Variants in PRLR observed in about 807,000 individuals in gnomAD.
The protein encoded by PRLR is prolactin receptor, also known as hPRL receptor.
Under a neutral mutation model 40.2 loss-of-function variants are expected in PRLR, and 13 were observed. The observed-to-expected ratio is 0.32, with a 90% CI of 0.21 to 0.51. PRLR has a LOEUF of 0.51. PRLR is among the 20% of genes least tolerant of loss of function. PRLR has a pLI of 0.97. For missense variants in PRLR, 656 were observed against 747.3 expected, an observed-to-expected ratio of 0.88 and a Z score of 1.42; for synonymous variants, 269 against 278.7, an observed-to-expected ratio of 0.97 and a Z score of 0.35.
At chr5:35,135,974 C>T (rs1773847067) in intron 1 of PRLR, among the ~76,000 whole-genome samples, 1 of 152,162 alleles carries the variant, frequency 6.6e-6, no homozygotes, top group Non-Finnish European at 1.5e-5. Flanking sequence ...GGAATTCGAA[C>T]TGGGAAATAT....
chr5:35,220,301 T>G (rs34455136), intron 1 of PRLR, among the ~76,000 whole-genome samples: 16,695 of 152,114 alleles, frequency 0.11, 998 homozygotes, highest in East Asian at 0.16. Flanking sequence ...GCCACAATGG[T>G]CTCATTTCTG....
chr5:35,181,752 T>A (rs1408296441), intron 1 of PRLR, among the ~76,000 whole-genome samples: 1 of 152,208 alleles, frequency 6.6e-6, no homozygotes, highest in Non-Finnish European at 1.5e-5. Context: ...GAGAAATACC[T>A]GTGCCAATAA....
chr5:35,152,297 A>G (rs76810498), intron 1 of PRLR, among the ~76,000 whole-genome samples: 4,942 of 152,270 alleles, frequency 0.032, 297 homozygotes, highest in African/African-American at 0.11. Flanking sequence ...TAAATGGTAT[A>G]TTAAAAGATA....
At position 35,065,473 on chromosome 5, in the gene PRLR, G is replaced by C. The variant is rs564926987; in HGVS notation, c.1485C>G (p.Pro495=). Residue 495 remains proline (P), a synonymous_variant, in exon 10 of 10, where the codon CCC becomes CCG. Transcript: ENST00000618457. ...CGGAGCCAAAGGGGGTTTTCTCCTG[G>C]GGCAGCAGCCAGGGCGTATCCTGGT... ...ETDQDTPWLL[P]QEKTPFGSAK... is the part of the protein sequence containing the mutation. 5 of 1,614,014 alleles carry C rather than the reference G, an allele frequency of 3.1e-6. No individual in the cohort carries two copies. The highest frequency in any genetic ancestry group is 3.4e-6 in the Non-Finnish European group (4 of 1,180,034).
intron 1 of PRLR, among the ~76,000 whole-genome samples, chr5:35,205,875 T>A (rs1776003950): frequency 6.6e-6 from 1 of 152,186 alleles, no homozygotes; most frequent in Admixed American, 6.5e-5. Context: ...CAGTACATAT[T>A]GAACAGGTTT....
chr5:35,175,022 C>T (rs1775104992), intron 1 of PRLR, among the ~76,000 whole-genome samples: 1 of 152,094 alleles, frequency 6.6e-6, no homozygotes, highest in African/African-American at 2.4e-5. Flanking sequence ...AATGAAATTC[C>T]CATACTTTTA....
rs954899107 is a variant in PRLR, at chr5:35,143,789, A to C, written c.-105-25667T>G. Among the ~76,000 whole-genome samples, 3 of 152,352 alleles carry C rather than the reference A, an allele frequency of 2.0e-5. 1 individual carries two copies. The highest frequency in any genetic ancestry group is 2.0e-4 in the Admixed American group (3 of 15,300). On this transcript the variant is annotated intron_variant, in intron 1 of 9. Transcript: ENST00000618457. ...CTCAGTAAAACATGTTTATGTATTCACGCATTTCTAAGAAAATGGAGCTAT... is the reference window on the plus strand; with the variant it reads ...CTCAGTAAAACATGTTTATGTATTCCCGCATTTCTAAGAAAATGGAGCTAT...
chr5:35,107,092 A>G (rs560628876), intron 2 of PRLR, among the ~76,000 whole-genome samples: 1 of 152,338 alleles, frequency 6.6e-6, no homozygotes, highest in Non-Finnish European at 1.5e-5. Flanking sequence ...CCACACAACT[A>G]CATGGAAACT....
intron 2 of PRLR, among the ~76,000 whole-genome samples, chr5:35,097,871 T>C (rs565390459): frequency 6.6e-6 from 1 of 152,190 alleles, no homozygotes; most frequent in Middle Eastern, 3.4e-3. Flanking sequence ...ACTTAGATGA[T>C]TCTTATCACG....
At chr5:35,089,704 T>C (rs959688701) in intron 2 of PRLR, 41 bp from the exon 3 acceptor site, 1 of 1,321,378 alleles carries the variant, frequency 7.6e-7, no homozygotes, top group African/African-American at 1.4e-5. Flanking sequence ...GAAATGGCAG[T>C]CTGGTCAGGC....
At chr5:35,168,264 GT>G (rs1490142491) in intron 1 of PRLR, among the ~76,000 whole-genome samples, 1 of 151,988 alleles carries the variant, frequency 6.6e-6, no homozygotes, top group Non-Finnish European at 1.5e-5. Context: ...CATAGAAGAT[GT>G]TAGCGCACCA....
chr5:35,082,696 G>A (rs2112448788), intron 5 of PRLR, among the ~76,000 whole-genome samples: 1 of 152,298 alleles, frequency 6.6e-6, no homozygotes, highest in South Asian at 2.1e-4. Context: ...ATCTTTCAAT[G>A]TTGTCATTCT....
intron 1 of PRLR, among the ~76,000 whole-genome samples, chr5:35,161,785 C>T (rs1774681890): frequency 6.6e-6 from 1 of 152,368 alleles, no homozygotes. Flanking sequence ...TAATGAAGAT[C>T]TGGCTAGAGC....
At chr5:35,118,906 C>T (rs1402334020) in intron 1 of PRLR, among the ~76,000 whole-genome samples, 2 of 152,004 alleles carry the variant, frequency 1.3e-5, no homozygotes, top group African/African-American at 4.8e-5. Context: ...CCCATTTCAC[C>T]CGCCCCCTGC....
chr5:35,086,992 A>C, intron 3 of PRLR, among the ~76,000 whole-genome samples: 2 of 149,160 alleles, frequency 1.3e-5, no homozygotes, highest in Non-Finnish European at 1.5e-5. Flanking sequence ...CTTTCCCTTC[A>C]CTTTTTCTTG....
intron 1 of PRLR, among the ~76,000 whole-genome samples, chr5:35,130,841 G>T (rs1173616264): frequency 6.6e-6 from 1 of 152,194 alleles, no homozygotes; most frequent in African/African-American, 2.4e-5. Flanking sequence ...GTTTTTATAA[G>T]ACAGAGAAGA....
intron 1 of PRLR, among the ~76,000 whole-genome samples, chr5:35,159,380 T>G (rs1195901267): frequency 6.6e-6 from 1 of 151,254 alleles, no homozygotes; most frequent in Non-Finnish European, 1.5e-5. Context: ...CCTCTTGGCT[T>G]AGACCCATTG....
intron 1 of PRLR, among the ~76,000 whole-genome samples, chr5:35,173,914 T>C (rs1775069804): frequency 6.6e-6 from 1 of 152,132 alleles, no homozygotes; most frequent in Non-Finnish European, 1.5e-5. Flanking sequence ...GAATGTGCCA[T>C]GTTGGTGTGC....
intron 1 of PRLR, among the ~76,000 whole-genome samples, chr5:35,148,801 C>T (rs979922198): frequency 6.6e-6 from 1 of 152,050 alleles, no homozygotes; most frequent in Non-Finnish European, 1.5e-5. Flanking sequence ...TTTGATATTG[C>T]AAACAAGGTA....
Sources: allele counts gnomAD v4.1 joint callset (sites outside exome capture counted in the v4.1 genomes callset), GRCh38; gene constraint gnomAD v4.1.1; transcripts MANE v1.5; gene names NCBI Gene and HGNC (gene_info 2026-07-23, HGNC 2026-07-21).